Variants in PIP4K2A observed in about 807,000 individuals in gnomAD.
PIP4K2A encodes phosphatidylinositol-5-phosphate 4-kinase type 2 alpha.
In PIP4K2A, 14 loss-of-function variants were observed where a neutral mutation model predicts 42.9. That is an observed-to-expected ratio of 0.33 (90% CI 0.22 to 0.51). The LOEUF (loss-of-function observed/expected upper bound fraction) is 0.51. PIP4K2A is among the 20% of genes least tolerant of loss of function. The pLI, the probability that PIP4K2A is intolerant of heterozygous loss-of-function variation, is 0.97. For synonymous variants in PIP4K2A, 192 were observed against 192.2 expected, an observed-to-expected ratio of 1.00 and a Z score of 0.01; for missense variants, 434 against 519.8, an observed-to-expected ratio of 0.83 and a Z score of 1.61.
intron 1 of PIP4K2A, among the ~76,000 whole-genome samples, chr10:22,681,062 T>C (rs2130878304): frequency 6.6e-6 from 1 of 152,310 alleles, no homozygotes; most frequent in South Asian, 2.1e-4. Flanking sequence ...TGTTTTATAC[T>C]CCCCATGTAT....
intron 1 of PIP4K2A, among the ~76,000 whole-genome samples, chr10:22,699,259 T>C (rs1385083846): frequency 6.6e-6 from 1 of 152,198 alleles, no homozygotes; most frequent in Admixed American, 6.5e-5. Context: ...ACCTAATTTA[T>C]GAATGGGTTG....
At chr10:22,635,503 T>C (rs1354993077) in intron 1 of PIP4K2A, among the ~76,000 whole-genome samples, 1 of 152,202 alleles carries the variant, frequency 6.6e-6, no homozygotes, top group East Asian at 1.9e-4. Context: ...TGTTACCCAC[T>C]GAGTTTGTCT....
chr10:22,698,519 A>T (rs1840013119), intron 1 of PIP4K2A, among the ~76,000 whole-genome samples: 1 of 152,224 alleles, frequency 6.6e-6, no homozygotes, highest in Non-Finnish European at 1.5e-5. Flanking sequence ...TGCTGACAGC[A>T]ACATTATTTG....
chr10:22,590,785 G>A (rs756813295), intron 4 of PIP4K2A, among the ~76,000 whole-genome samples: 3 of 152,180 alleles, frequency 2.0e-5, no homozygotes, highest in Non-Finnish European at 4.4e-5. Flanking sequence ...TGGGAGGACT[G>A]CTTGAGCCCA....
intron 1 of PIP4K2A, among the ~76,000 whole-genome samples, chr10:22,690,609 C>T (rs936783875): frequency 6.6e-6 from 1 of 151,970 alleles, no homozygotes; most frequent in Non-Finnish European, 1.5e-5. Context: ...GCACAAATAC[C>T]AAAGAAGGGG....
At chr10:22,699,031 T>C in intron 1 of PIP4K2A, among the ~76,000 whole-genome samples, 1 of 152,216 alleles carries the variant, frequency 6.6e-6, no homozygotes, top group East Asian at 1.9e-4. Flanking sequence ...GAGTATCCGA[T>C]GCCAGAACTG....
chr10:22,714,275 T>C lies in PIP4K2A; in HGVS notation c.52A>G (p.Thr18Ala). Residue 18 changes from threonine (T) to alanine (A), a missense_variant, in exon 1 of 10, where the codon ACC (threonine) becomes GCC (alanine). By Grantham distance (58) the Thr-to-Ala change is moderately conservative. This residue lies in a region of PIP4K2A where 395 missense variants were observed against 444.5 expected (regional missense o/e 0.89). Coordinates refer to ENST00000376573, the MANE Select transcript of PIP4K2A (RefSeq NM_005028.5). The stretch of plus-strand genomic sequence containing the variant: ...TGCGCTACGAAGTGCTTCTTCTTGG[T>C]CTTGGTCTTGCTCGCCAGGACAGAG... Reference protein sequence around the residue: ...GSSVLASKTKTKKKHFVAQKV... With the variant: ...GSSVLASKTKAKKKHFVAQKV... 1.2e-6 allele frequency: 2 copies of C among 1,612,496 alleles called. No individual in the cohort carries two copies. The highest frequency in any genetic ancestry group is 2.2e-5 in the South Asian group (2 of 91,034).
intron 1 of PIP4K2A, among the ~76,000 whole-genome samples, chr10:22,613,629 A>AAGGGG (rs1838105570): frequency 6.6e-6 from 1 of 152,172 alleles, no homozygotes. Flanking sequence ...AGAGCTTAAA[A>AAGGGG]AGGGGACTGC....
chr10:22,709,907 G>A (rs1163348368), intron 1 of PIP4K2A, among the ~76,000 whole-genome samples: 1 of 151,686 alleles, frequency 6.6e-6, no homozygotes, highest in Non-Finnish European at 1.5e-5. Context: ...ATGGTAGCTG[G>A]GTTCCACTCA....
intron 3 of PIP4K2A, among the ~76,000 whole-genome samples, chr10:22,594,649 C>T (rs986869916): frequency 2.0e-5 from 3 of 152,220 alleles, no homozygotes; most frequent in African/African-American, 7.2e-5. Context: ...ATCTGCCTGC[C>T]TTGGCCTCCC....
intron 1 of PIP4K2A, among the ~76,000 whole-genome samples, chr10:22,640,741 C>T (rs759059743): frequency 7.2e-5 from 11 of 152,152 alleles, no homozygotes; most frequent in Non-Finnish European, 1.2e-4. Flanking sequence ...ATTGACACTA[C>T]GTTGCTTAAA....
intron 1 of PIP4K2A, among the ~76,000 whole-genome samples, chr10:22,633,453 T>C (rs1305230574): frequency 3.3e-5 from 5 of 152,090 alleles, no homozygotes; most frequent in Non-Finnish European, 5.9e-5. Flanking sequence ...ACAGTAAAAA[T>C]ACCTTCATGG....
intron 4 of PIP4K2A, among the ~76,000 whole-genome samples, chr10:22,579,724 C>T (rs1837214119): frequency 6.6e-6 from 1 of 151,966 alleles, no homozygotes; most frequent in Admixed American, 6.5e-5. Context: ...GCCTGGCCAA[C>T]ATAGTGAAAC....
Position 22,571,301 on chromosome 10 carries a change from T to C in PIP4K2A, c.639+2010A>G, listed in dbSNP as rs1449674154. The stretch of plus-strand genomic sequence containing the variant: ...CTCCCCTGTATGCTGGGGTGCTTGC[T>C]ACATGTGGTCATTTCACAGAAAACA... On this transcript the variant is annotated intron_variant, in intron 5 of 9. Coordinates refer to ENST00000376573, the MANE Select transcript of PIP4K2A (RefSeq NM_005028.5). Among the ~76,000 whole-genome samples the C allele has an allele frequency of 2.6e-5, 4 of 152,236 alleles. No homozygotes were observed. In the East Asian group the frequency reaches 7.7e-4, roughly 29 times the overall value.
intron 4 of PIP4K2A, among the ~76,000 whole-genome samples, chr10:22,585,706 T>G (rs1268023871): frequency 6.6e-6 from 1 of 151,976 alleles, no homozygotes. Context: ...GTTCAAGGGA[T>G]TCTCATGCCT....
intron 3 of PIP4K2A, among the ~76,000 whole-genome samples, chr10:22,606,839 A>T (rs1352893283): frequency 6.6e-6 from 1 of 152,244 alleles, no homozygotes; most frequent in Non-Finnish European, 1.5e-5. Flanking sequence ...AAATGCCTGC[A>T]GCCAGTCGTA....
chr10:22,668,396 T>C (rs992120132), intron 1 of PIP4K2A, among the ~76,000 whole-genome samples: 1 of 152,220 alleles, frequency 6.6e-6, no homozygotes, highest in Non-Finnish European at 1.5e-5. Context: ...AACTAAGACC[T>C]CTCCTGGCTA....
At chr10:22,575,527 T>C (rs1429077890) in intron 4 of PIP4K2A, among the ~76,000 whole-genome samples, 1 of 152,224 alleles carries the variant, frequency 6.6e-6, no homozygotes, top group Non-Finnish European at 1.5e-5. Context: ...TTGAATATTA[T>C]ACAGCAAATC....
At chr10:22,657,352 C>T (rs1372516025) in intron 1 of PIP4K2A, among the ~76,000 whole-genome samples, 1 of 152,190 alleles carries the variant, frequency 6.6e-6, no homozygotes, top group Non-Finnish European at 1.5e-5. Flanking sequence ...CGTTTAGGAA[C>T]AAAGCACCAG....
Sources: allele counts gnomAD v4.1 joint callset (sites outside exome capture counted in the v4.1 genomes callset), GRCh38; gene constraint gnomAD v4.1.1; regional missense constraint gnomAD v4.1.1; transcripts MANE v1.5; gene names NCBI Gene and HGNC (gene_info 2026-07-23, HGNC 2026-07-21).